Variants in SCHIP1 observed in about 807,000 individuals in gnomAD.
SCHIP1 encodes schwannomin-interacting protein 1.
In SCHIP1, 8 loss-of-function variants were observed where a neutral mutation model predicts 29.7. The observed-to-expected ratio is 0.27, with a 90% CI of 0.16 to 0.49. The LOEUF (loss-of-function observed/expected upper bound fraction) is 0.49. SCHIP1 is among the 20% of genes least tolerant of loss of function. The pLI is 0.99. For synonymous variants in SCHIP1, 76 were observed against 94.9 expected (o/e 0.80, Z 1.16); for missense variants, 193 against 294.6 (o/e 0.66, Z 2.52).
chr3:159,294,719 G>A, the SCHIP1 span, among the ~76,000 whole-genome samples: 14 of 152,130 alleles, frequency 9.2e-5, no homozygotes, highest in African/African-American at 3.1e-4. Context: ...TTTCAGAGAA[G>A]GGAAAAAGTA....
At chr3:159,344,456 A>G in the SCHIP1 span, among the ~76,000 whole-genome samples, 5 of 152,282 alleles carry the variant, frequency 3.3e-5, no homozygotes, top group Middle Eastern at 3.4e-3. Context: ...ATAAACAGCA[A>G]TGAGTCATAT....
chr3:159,670,162 T>C, the SCHIP1 span, among the ~76,000 whole-genome samples: 1 of 152,236 alleles, frequency 6.6e-6, no homozygotes, highest in Non-Finnish European at 1.5e-5. Flanking sequence ...GTTGTATAAA[T>C]GTATCTGTTT....
chr3:159,274,437 A>G, the SCHIP1 span: 8 of 856,624 alleles, frequency 9.3e-6, no homozygotes, highest in African/African-American at 1.5e-4. Flanking sequence ...GCAGCTTATT[A>G]TAAGTAGAAA....
the SCHIP1 span, among the ~76,000 whole-genome samples, chr3:159,565,429 C>T: frequency 2.6e-5 from 4 of 152,294 alleles, no homozygotes; most frequent in Middle Eastern, 3.4e-3. Flanking sequence ...GAACACCTGA[C>T]TCTGGACTTC....
the SCHIP1 span, among the ~76,000 whole-genome samples, chr3:159,277,791 G>A: frequency 4.6e-4 from 70 of 152,008 alleles, no homozygotes; most frequent in Non-Finnish European, 9.0e-4. Context: ...ATGGTGGCAG[G>A]TGCCTGTAAT....
At chr3:159,273,920 T>C in the SCHIP1 span, 69 of 1,609,314 alleles carry the variant, frequency 4.3e-5, no homozygotes, top group African/African-American at 7.1e-4. Context: ...ATTTTAGGTG[T>C]ATCATATTTT....
chr3:159,377,660 A>G, the SCHIP1 span, among the ~76,000 whole-genome samples: 1 of 152,204 alleles, frequency 6.6e-6, no homozygotes, highest in African/African-American at 2.4e-5. Flanking sequence ...ACATTCGAGT[A>G]ATTTTAATTT....
the SCHIP1 span, among the ~76,000 whole-genome samples, chr3:159,782,675 A>G: frequency 6.6e-6 from 1 of 152,232 alleles, no homozygotes; most frequent in Non-Finnish European, 1.5e-5. Context: ...CTCATTCTAT[A>G]TATTGGCTGG....
chr3:159,601,468 ACAGG>A, the SCHIP1 span, among the ~76,000 whole-genome samples: 1 of 152,166 alleles, frequency 6.6e-6, no homozygotes, highest in Non-Finnish European at 1.5e-5. Context: ...ACCACCTCAG[ACAGG>A]TAGCCCTCCG....
At chr3:159,843,822 C>CAAAAA (rs1161141544) in intron 1 of SCHIP1, among the ~76,000 whole-genome samples, 880 of 39,946 alleles carry the variant, frequency 0.022, 111 homozygotes, top group African/African-American at 0.085. Flanking sequence ...GACTCTGTCT[C>CAAAAA]AAAAAAAAAA....
the SCHIP1 span, among the ~76,000 whole-genome samples, chr3:159,592,418 A>G: frequency 6.6e-6 from 1 of 151,920 alleles, no homozygotes; most frequent in African/African-American, 2.4e-5. Flanking sequence ...TTCTTAACAC[A>G]CCATAAGGCC....
the SCHIP1 span, among the ~76,000 whole-genome samples, chr3:159,636,653 A>G: frequency 1.3e-5 from 2 of 152,212 alleles, no homozygotes; most frequent in African/African-American, 4.8e-5. Context: ...ACCCAGCAGG[A>G]TCTGAAACAT....
chr3:159,604,454 C>T, the SCHIP1 span, among the ~76,000 whole-genome samples: 3,053 of 152,286 alleles, frequency 0.02, 104 homozygotes, highest in African/African-American at 0.069. Context: ...CGGGTGACCA[C>T]AGTGAGATCG....
intron 1 of SCHIP1, among the ~76,000 whole-genome samples, chr3:159,858,890 A>T (rs1713714669): frequency 6.6e-6 from 1 of 152,254 alleles, no homozygotes; most frequent in South Asian, 2.1e-4. Context: ...GCAGGTTGGT[A>T]CGAGGATGCA....
At chr3:159,491,920 G>A in the SCHIP1 span, among the ~76,000 whole-genome samples, 2 of 152,196 alleles carry the variant, frequency 1.3e-5, no homozygotes, top group Non-Finnish European at 2.9e-5. Context: ...GGAACGATCA[G>A]GCAGCAGCAT....
chr3:159,734,632 GT>G, the SCHIP1 span, among the ~76,000 whole-genome samples: 4 of 151,930 alleles, frequency 2.6e-5, no homozygotes, highest in African/African-American at 9.7e-5. Flanking sequence ...TAAATTTCTA[GT>G]TTCTTCATTT....
the SCHIP1 span, among the ~76,000 whole-genome samples, chr3:159,806,733 C>T: frequency 6.6e-6 from 1 of 152,220 alleles, no homozygotes; most frequent in Non-Finnish European, 1.5e-5. Flanking sequence ...TGCGGGGCTT[C>T]CTGAGCAGGG....
At chr3:159,664,999 T>C in the SCHIP1 span, among the ~76,000 whole-genome samples, 1 of 152,232 alleles carries the variant, frequency 6.6e-6, no homozygotes, top group Non-Finnish European at 1.5e-5. Flanking sequence ...TCCAAAGGCC[T>C]GAAAACCAGG....
the SCHIP1 span, among the ~76,000 whole-genome samples, chr3:159,574,699 G>A: frequency 5.9e-5 from 9 of 152,288 alleles, 1 homozygote; most frequent in South Asian, 2.1e-4. Context: ...CCTTTTGTTC[G>A]GCTATGCCCT....
Sources: allele counts gnomAD v4.1 joint callset (sites outside exome capture counted in the v4.1 genomes callset), GRCh38; gene constraint gnomAD v4.1.1; transcripts MANE v1.5; gene names NCBI Gene and HGNC (gene_info 2026-07-23, HGNC 2026-07-21).